Variants in MALRD1 observed in about 807,000 individuals in gnomAD.
The protein encoded by MALRD1 is MAM and LDL receptor class A domain containing 1, also known as MAM and LDL-receptor class A domain-containing protein 1.
In MALRD1, 247 loss-of-function variants were observed where a neutral mutation model predicts 242.1. The observed-to-expected ratio is 1.02, with a 90% confidence interval of 0.92 to 1.13. MALRD1 has a LOEUF of 1.13. Among genes scored for constraint, MALRD1 ranks in the 50% most tolerant of loss-of-function variants. The probability of loss-of-function intolerance (pLI) is 0.00; values close to 1 mark genes in which losing one functional copy is unlikely to be tolerated. For missense variants in MALRD1, 2,989 were observed against 2,533.1 expected (o/e 1.18, Z -3.86); for synonymous variants, 995 against 866.6 (o/e 1.15, Z -2.60).
chr10:19,135,071 T>C (rs1286502593), intron 9 of MALRD1, among the ~76,000 whole-genome samples: 1 of 152,222 alleles, frequency 6.6e-6, no homozygotes, highest in South Asian at 2.1e-4. Flanking sequence ...TTTAATATTA[T>C]TTTCTAAACC....
At chr10:19,263,781 C>T (rs1441501151) in intron 19 of MALRD1, among the ~76,000 whole-genome samples, 4 of 151,962 alleles carry the variant, frequency 2.6e-5, no homozygotes, top group Admixed American at 6.6e-5. Flanking sequence ...CTATTATGCT[C>T]CATTGGTCCA....
At chr10:19,157,696 G>C (rs1052124484) in intron 12 of MALRD1, among the ~76,000 whole-genome samples, 5 of 152,158 alleles carry the variant, frequency 3.3e-5, no homozygotes, top group African/African-American at 1.2e-4. Flanking sequence ...TAAGGTAGTA[G>C]AGTCAAGCAG....
At chr10:19,055,917 A>G (rs1420052995) in intron 1 of MALRD1, among the ~76,000 whole-genome samples, 1 of 152,090 alleles carries the variant, frequency 6.6e-6, no homozygotes, top group Non-Finnish European at 1.5e-5. Context: ...CTGGGTAGCA[A>G]AATAATCTAC....
chr10:19,504,554 C>A (rs1451505168), intron 31 of MALRD1, among the ~76,000 whole-genome samples: 2 of 151,866 alleles, frequency 1.3e-5, no homozygotes, highest in Non-Finnish European at 2.9e-5. Context: ...TTTGATCTTA[C>A]TCATATGCAC....
chr10:19,610,064 T>C (rs1173787947), intron 35 of MALRD1, among the ~76,000 whole-genome samples: 1 of 151,738 alleles, frequency 6.6e-6, no homozygotes, highest in Non-Finnish European at 1.5e-5. Context: ...CTACTTCAAG[T>C]TTGTTTATTA....
At chr10:19,425,943 C>T (rs1225900653) in intron 28 of MALRD1, among the ~76,000 whole-genome samples, 3 of 152,114 alleles carry the variant, frequency 2.0e-5, no homozygotes, top group East Asian at 1.9e-4. Flanking sequence ...TTAAAGCATA[C>T]ATGTATATTT....
intron 38 of MALRD1, among the ~76,000 whole-genome samples, chr10:19,698,951 C>T (rs1318408291): frequency 6.6e-6 from 1 of 152,018 alleles, no homozygotes; most frequent in African/African-American, 2.4e-5. Context: ...GAACAGAAAA[C>T]CAAACACCGC....
chr10:19,601,331 G>T (rs903831148), intron 34 of MALRD1, among the ~76,000 whole-genome samples: 1 of 151,804 alleles, frequency 6.6e-6, no homozygotes, highest in Non-Finnish European at 1.5e-5. Context: ...ATTCTATGTT[G>T]TACTTATATT....
intron 2 of MALRD1, among the ~76,000 whole-genome samples, chr10:19,072,637 C>T (rs1178758972): frequency 1.3e-5 from 2 of 151,936 alleles, no homozygotes; most frequent in Non-Finnish European, 2.9e-5. Flanking sequence ...ATAATTCTTC[C>T]TCTAAGAACA....
Position 19,104,084 on chromosome 10 carries a change from T to C in MALRD1, c.694+9T>C. The stretch of plus-strand genomic sequence containing the variant: ...CTGCTTGCCTGCCAATGGTAAGAAC[T>C]TTTTCTCTCATTTTGATCTTTACTG... On this transcript the variant is annotated intron_variant, in intron 5 of 39. Coordinates refer to ENST00000454679, the MANE Select transcript of MALRD1 (RefSeq NM_001142308.3). 8.2e-7 allele frequency: 1 copy of C among 1,219,514 alleles called. No individual in the cohort carries two copies. Among genetic ancestry groups the C allele is most frequent in the Non-Finnish European group, 1.0e-6 (1 of 975,172 alleles). The allele number at this position is 1,219,514 out of a possible 1,614,324, so 75.5% of individuals were successfully genotyped here.
At chr10:19,590,478 C>G (rs558185281) in intron 33 of MALRD1, among the ~76,000 whole-genome samples, 1 of 150,756 alleles carries the variant, frequency 6.6e-6, no homozygotes, top group Non-Finnish European at 1.5e-5. Flanking sequence ...AGGGATGTTC[C>G]TGAGAGAATT....
chr10:19,709,242 CTAA>C (rs1834000310), intron 38 of MALRD1, among the ~76,000 whole-genome samples: 1 of 61,254 alleles, frequency 1.6e-5, no homozygotes, highest in African/African-American at 8.8e-5. Context: ...CCCGTCTGTA[CTAA>C]AAAAAAAAAA....
chr10:19,447,164 A>T (rs1470282312), intron 28 of MALRD1, among the ~76,000 whole-genome samples: 1 of 151,902 alleles, frequency 6.6e-6, no homozygotes, highest in East Asian at 1.9e-4. Context: ...TTTCTCCTGT[A>T]TTAAATTAGT....
chr10:19,611,090 A>G (rs1838872768), intron 35 of MALRD1, among the ~76,000 whole-genome samples: 1 of 151,982 alleles, frequency 6.6e-6, no homozygotes, highest in African/African-American at 2.4e-5. Flanking sequence ...ATTATTTAAT[A>G]CCTTATACAC....
chr10:19,255,792 A>G (rs1363492056), intron 18 of MALRD1, among the ~76,000 whole-genome samples: 3 of 152,076 alleles, frequency 2.0e-5, no homozygotes, highest in Admixed American at 1.3e-4. Context: ...TTGAATGCAG[A>G]TAGAAACAAT....
rs76056620 is a variant in MALRD1 at position 19,629,578 on chromosome 10, C to T, written c.6137+13655C>T. 4.0e-4 allele frequency among the ~76,000 whole-genome samples: 61 copies of T among 152,222 alleles called. 1 individual carries two copies. In the East Asian group the frequency reaches 6.2e-3, roughly 15 times the overall value. On this transcript the variant is annotated intron_variant, in intron 36 of 39. Coordinates refer to ENST00000454679, the MANE Select transcript of MALRD1 (RefSeq NM_001142308.3). ...TTTATCAGTTTTCCTAGTATGTGCA[C>T]GGCCAAGCTTCATGGGGTAGCCGTT...
intron 18 of MALRD1, among the ~76,000 whole-genome samples, chr10:19,244,506 G>T (rs1319822372): frequency 6.6e-6 from 1 of 152,112 alleles, no homozygotes; most frequent in East Asian, 1.9e-4. Flanking sequence ...AGAGGCAGAG[G>T]TGTGAGCCAT....
At chr10:19,294,428 A>T (rs1588868814) in intron 21 of MALRD1, among the ~76,000 whole-genome samples, 1 of 152,196 alleles carries the variant, frequency 6.6e-6, no homozygotes, top group African/African-American at 2.4e-5. Context: ...ATTTATGCAG[A>T]TATATCAATT....
intron 2 of MALRD1, among the ~76,000 whole-genome samples, chr10:19,075,690 G>C (rs1023324058): frequency 4.6e-5 from 7 of 151,996 alleles, no homozygotes; most frequent in Non-Finnish European, 4.4e-5. Flanking sequence ...CTTCAGAAAG[G>C]AGTACAGACA....
Sources: allele counts gnomAD v4.1 joint callset (sites outside exome capture counted in the v4.1 genomes callset), GRCh38; gene constraint gnomAD v4.1.1; transcripts MANE v1.5; gene names NCBI Gene and HGNC (gene_info 2026-07-23, HGNC 2026-07-21).